The following ATP8A1 variants were observed in gnomAD, a reference collection of about 807,000 sequenced individuals.
ATP8A1 encodes phospholipid-transporting ATPase IA.
Under a neutral mutation model 177.7 loss-of-function variants are expected in ATP8A1, and 90 were observed. That is an observed-to-expected ratio of 0.51 (90% CI 0.43 to 0.60). ATP8A1 has a LOEUF of 0.60. Ranked by LOEUF, ATP8A1 falls within the 20% of genes least tolerant of loss-of-function variation. The probability of loss-of-function intolerance (pLI) is 0.00; values close to 1 mark genes in which losing one functional copy is unlikely to be tolerated. For synonymous variants in ATP8A1, 493 were observed against 485.9 expected (o/e 1.01, Z -0.19); for missense variants, 1,072 against 1,392.8 (o/e 0.77, Z 3.67).
At chr4:42,507,249 T>A in intron 22 of ATP8A1, 95 bp from the exon 23 acceptor site, 2 of 1,248,578 alleles carry the variant, frequency 1.6e-6, no homozygotes, top group Non-Finnish European at 2.2e-6. Context: ...AATCAGAGAC[T>A]AAATGATAAT....
chr4:42,474,659 G>A lies in ATP8A1; in HGVS notation c.2325-9583C>T, dbSNP rs558067691. 6.6e-5 allele frequency among the ~76,000 whole-genome samples: 10 copies of A among 152,270 alleles called. No individual in the cohort carries two copies. In the South Asian group the frequency reaches 2.1e-3, roughly 32 times the overall value. On this transcript the variant is annotated intron_variant, in intron 25 of 36. Coordinates refer to ENST00000381668, the MANE Select transcript of ATP8A1 (RefSeq NM_006095.2). Reference sequence around the variant, plus strand: ...CCACCTCACACGGGGAATTCCATCAGAGTGCAGCTGCCTCTAACAAGAGGA... The same window carrying A: ...CCACCTCACACGGGGAATTCCATCAAAGTGCAGCTGCCTCTAACAAGAGGA...
intron 33 of ATP8A1, among the ~76,000 whole-genome samples, chr4:42,428,821 C>T (rs1475612593): frequency 1.3e-5 from 2 of 152,152 alleles, no homozygotes; most frequent in Non-Finnish European, 2.9e-5. Flanking sequence ...CTGGAAAGCG[C>T]CCATGCTCAC....
chr4:42,423,170 G>A (rs1471255279), intron 34 of ATP8A1, among the ~76,000 whole-genome samples: 1 of 151,546 alleles, frequency 6.6e-6, no homozygotes, highest in Non-Finnish European at 1.5e-5. Context: ...TATCTTTTTT[G>A]TGGGAAGACA....
chr4:42,631,170 A>G (rs978243771), intron 1 of ATP8A1, among the ~76,000 whole-genome samples: 5 of 152,170 alleles, frequency 3.3e-5, no homozygotes, highest in African/African-American at 1.2e-4. Flanking sequence ...GGTGTAACTG[A>G]CAATTCACCT....
Position 42,443,615 on chromosome 4 carries a change from A to G in ATP8A1, c.3073T>C (p.Tyr1025His). The change falls in exon 33 of 37, where the codon TAC becomes CAC. Residue 1025 changes from tyrosine (Y) to histidine (H), a missense_variant. By Grantham distance (83) the Tyr-to-His change is moderately conservative. Around this residue, in one of 5 missense-constraint regions of ATP8A1, gnomAD observed 316 missense variants for 459.1 expected, o/e 0.69. Coordinates refer to ENST00000381668, the MANE Select transcript of ATP8A1 (RefSeq NM_006095.2). ...GGAATGGCAGGCCACAGAGATGAGT[A>G]GATTCCAAAAAACACCACCCAGAGT... ...IALWVVFFGI[Y>H]SSLWPAIPMA... 2 of 1,560,018 alleles carry G rather than the reference A, an allele frequency of 1.3e-6. No individual in the cohort carries two copies. The highest frequency in any genetic ancestry group is 1.8e-6 in the Non-Finnish European group (2 of 1,130,616).
intron 21 of ATP8A1, 80 bp from the exon 22 acceptor site, chr4:42,522,379 AGTCCCATTTTG>A: frequency 6.5e-7 from 1 of 1,529,784 alleles, no homozygotes; most frequent in Admixed American, 2.1e-5. Flanking sequence ...TATTTCACAA[AGTCCCATTTTG>A]AAAAAAGTGA....
chr4:42,646,777 T>C (rs1050737264), intron 1 of ATP8A1, among the ~76,000 whole-genome samples: 3 of 152,206 alleles, frequency 2.0e-5, no homozygotes, highest in Non-Finnish European at 4.4e-5. Context: ...AGTCATCTCT[T>C]TTAAAGATAA....
chr4:42,594,196 G>C (rs748070858), intron 6 of ATP8A1: 3 of 673,970 alleles, frequency 4.5e-6, no homozygotes, highest in Admixed American at 5.1e-5. Flanking sequence ...TAAATTCTTC[G>C]TTTATTCCTT....
At chr4:42,651,905 A>C (rs957011250) in intron 1 of ATP8A1, among the ~76,000 whole-genome samples, 3 of 152,224 alleles carry the variant, frequency 2.0e-5, no homozygotes, top group African/African-American at 7.2e-5. Flanking sequence ...CCATTATTTC[A>C]GTCTGTTTCC....
At chr4:42,506,966 T>C (rs1015992993) in intron 23 of ATP8A1, 50 bp downstream of exon 23, 39 of 1,592,664 alleles carry the variant, frequency 2.4e-5, no homozygotes, top group Non-Finnish European at 3.2e-5. Flanking sequence ...CTGAACTACA[T>C]TAACTTATTA....
intron 35 of ATP8A1, among the ~76,000 whole-genome samples, chr4:42,421,845 T>G (rs141904671): frequency 6.6e-6 from 1 of 152,300 alleles, no homozygotes; most frequent in East Asian, 1.9e-4. Flanking sequence ...ATCTTAATAA[T>G]TGTCTTTTAT....
At chr4:42,420,173 A>AC (rs1713726563) in intron 35 of ATP8A1, among the ~76,000 whole-genome samples, 1 of 152,092 alleles carries the variant, frequency 6.6e-6, no homozygotes, top group Non-Finnish European at 1.5e-5. Context: ...TCCAGTTGCT[A>AC]TTTTTCTCCT....
At chr4:42,644,090 A>C (rs937953596) in intron 1 of ATP8A1, among the ~76,000 whole-genome samples, 2 of 152,250 alleles carry the variant, frequency 1.3e-5, no homozygotes, top group African/African-American at 4.8e-5. Context: ...TTTGTTTAAA[A>C]GGTCAATTTT....
intron 5 of ATP8A1, 27 bp downstream of exon 5, chr4:42,616,000 CAAATAT>C: frequency 6.3e-7 from 1 of 1,585,222 alleles, no homozygotes; most frequent in East Asian, 2.2e-5. Context: ...GTAGGTTTGA[CAAATAT>C]GAGAAAAAAG....
intron 9 of ATP8A1, among the ~76,000 whole-genome samples, chr4:42,583,522 G>A (rs1260783039): frequency 6.6e-6 from 1 of 152,196 alleles, no homozygotes; most frequent in Non-Finnish European, 1.5e-5. Context: ...CAGTGGTGGT[G>A]TGGATTGACC....
At chr4:42,445,813 C>T (rs1298613983) in intron 31 of ATP8A1, among the ~76,000 whole-genome samples, 1 of 152,128 alleles carries the variant, frequency 6.6e-6, no homozygotes, top group African/African-American at 2.4e-5. Context: ...GGTGTGGTGG[C>T]TCATGCCTTT....
chr4:42,591,692 ATG>A (rs1419966813), intron 6 of ATP8A1, among the ~76,000 whole-genome samples: 1 of 152,178 alleles, frequency 6.6e-6, no homozygotes, highest in Non-Finnish European at 1.5e-5. Flanking sequence ...TAACACATAA[ATG>A]TATTCATTAT....
At chr4:42,555,118 TATCTATCTATCTATCTATCTA>T (rs1560454078) in intron 16 of ATP8A1, among the ~76,000 whole-genome samples, 16 of 96,856 alleles carry the variant, frequency 1.7e-4, no homozygotes, top group African/African-American at 6.1e-4. Flanking sequence ...TCTATCTATC[TATCTATCTATCTATCTATCTA>T]ATCTATCTAT....
intron 22 of ATP8A1, 85 bp downstream of exon 22, chr4:42,522,074 AT>A: frequency 1.4e-6 from 2 of 1,465,166 alleles, no homozygotes; most frequent in Non-Finnish European, 1.8e-6. Flanking sequence ...AGATATTTTG[AT>A]TTTTATTCCA....
Sources: gnomAD v4.1 joint callset for allele counts (sites outside exome capture counted in the v4.1 genomes callset) on GRCh38, gnomAD v4.1.1 for gene constraint, gnomAD v4.1.1 regional missense constraint, MANE v1.5 for transcripts, NCBI Gene and HGNC (gene_info 2026-07-23, HGNC 2026-07-21) for gene names.